NTSR1: variants seen among roughly 807,000 people sequenced by gnomAD.
NTSR1 encodes neurotensin receptor 1.
A neutral mutation model predicts 31.2 loss-of-function variants in NTSR1; 29 were observed. The observed-to-expected ratio is 0.93, with a 90% CI of 0.69 to 1.27. The LOEUF is 1.27. NTSR1 is among the 50% of genes most tolerant of loss of function. The pLI is 0.00. For synonymous variants in NTSR1, 282 were observed against 269.9 expected, an observed-to-expected ratio of 1.04 and a Z score of -0.44; for missense variants, 697 against 595.4, an observed-to-expected ratio of 1.17 and a Z score of -1.78.
chr20:62,709,850 G>T lies in NTSR1; in HGVS notation c.643G>T (p.Asp215Tyr). 3.1e-6 allele frequency: 5 copies of T among 1,608,744 alleles called. No individual in the cohort carries two copies. Among genetic ancestry groups the T allele is most frequent in the African/African-American group, 1.3e-5 (1 of 74,944 alleles). Residue 215 changes from aspartate (D) to tyrosine (Y), a missense_variant, in exon 1 of 4, where the codon GAC (aspartate) becomes TAC (tyrosine). By Grantham distance (160) the Asp-to-Tyr change is radical. Coordinates refer to ENST00000370501, the MANE Select transcript of NTSR1 (RefSeq NM_002531.3). ...FTMGEQNRSA[D>Y]GQHAGGLVCT... ...CATGGGCGAGCAGAACCGCAGCGCC[G>T]ACGGCCAGCACGCCGGCGGCCTGGT...
Position 62,724,161 on chromosome 20 carries a change from C to G in NTSR1, c.714+14240C>G, listed in dbSNP as rs1988867722. Among the ~76,000 whole-genome samples the G allele has an allele frequency of 2.0e-5, 3 of 152,188 alleles. No homozygotes were observed. The South Asian group carries it at 6.2e-4, about 31-fold the overall frequency. ...AAAGTGGCCCAAACTCTCAGGGGAC[C>G]CGAGCCATGACCTCCCAAGTCCTGG... On this transcript the variant is annotated intron_variant, in intron 1 of 3. Transcript: ENST00000370501.
chr20:62,718,806 A>G (rs938388637), intron 1 of NTSR1, among the ~76,000 whole-genome samples: 12 of 152,234 alleles, frequency 7.9e-5, no homozygotes, highest in Non-Finnish European at 1.3e-4. Context: ...TTGGGCGATT[A>G]TGAATAAAGT....
In NTSR1 at chr20:62,709,504, C is replaced by T. The variant is rs922366042; in HGVS notation, c.297C>T (p.Ser99=). ...ARKKSLQSLQ[S]TVHYHLGSLA... is the part of the protein sequence containing the mutation. ...AGAAGTCGCTGCAGAGCCTGCAGAG[C>T]ACGGTGCATTACCACCTGGGCAGCC... The change falls in exon 1 of 4, where the codon AGC becomes AGT. Residue 99 remains serine, a synonymous_variant. Transcript: ENST00000370501. 2 of 1,612,616 alleles carry T rather than the reference C, an allele frequency of 1.2e-6. No homozygotes were observed. The highest frequency in any genetic ancestry group is 1.7e-4 in the Middle Eastern group (1 of 6,058).
At chr20:62,752,831 A>G (rs1989417233) in intron 1 of NTSR1, among the ~76,000 whole-genome samples, 1 of 152,062 alleles carries the variant, frequency 6.6e-6, no homozygotes, top group African/African-American at 2.4e-5. Flanking sequence ...ACCTGCCCCC[A>G]GTCTCACCAG....
rs35373650 is a variant in NTSR1, at chr20:62,754,795, A to C, written c.825A>C (p.Gln275His). 2.4e-3 allele frequency: 3,840 copies of C among 1,611,518 alleles called. 75 individuals are homozygous for C. In the African/African-American group the frequency reaches 0.042, roughly 18 times the overall value. Reference protein sequence around the residue: ...VMVRQAAEQGQVCTVGGEHST... With the variant: ...VMVRQAAEQGHVCTVGGEHST... ...TACGCCAGGCGGCCGAGCAGGGCCA[A>C]GTGTGCACGGTCGGGGGCGAGCACA... Residue 275 changes from glutamine to histidine, a missense_variant, in exon 2 of 4, where the codon CAA becomes CAC. Gln to His is a conservative substitution (Grantham distance 24, BLOSUM62 0). Transcript: ENST00000370501.
At position 62,715,124 on chromosome 20, in the gene NTSR1, T is replaced by C. The variant is rs1403292020; in HGVS notation, c.714+5203T>C. Among the ~76,000 whole-genome samples, 1 of 152,078 alleles carries C rather than the reference T, an allele frequency of 6.6e-6. No homozygotes were observed. The highest frequency in any genetic ancestry group is 2.4e-5 in the African/African-American group (1 of 41,410). Reference sequence around the variant, plus strand: ...TGGCATGTTTGAAAAATTTAGTAATTAAAAGTTTTCAAAAGGTTAAGGTGC... The same window carrying C: ...TGGCATGTTTGAAAAATTTAGTAATCAAAAGTTTTCAAAAGGTTAAGGTGC... On this transcript the variant is annotated intron_variant, in intron 1 of 3. Transcript: ENST00000370501. The surrounding 1 kb of genome is among the most constrained non-coding windows in gnomAD (Gnocchi z 4.7).
In NTSR1 at chr20:62,714,121, T is replaced by C. The variant is rs1988668753; in HGVS notation, c.714+4200T>C. Reference sequence around the variant, plus strand: ...AAAAAAAAGTTGCAGAAGAAGTTCTTCAAGGGGTCCTTAGGAACAGCCTGC... The same window carrying C: ...AAAAAAAAGTTGCAGAAGAAGTTCTCCAAGGGGTCCTTAGGAACAGCCTGC... On this transcript the variant is annotated intron_variant, in intron 1 of 3. Coordinates refer to ENST00000370501, the MANE Select transcript of NTSR1 (RefSeq NM_002531.3). The surrounding 1 kb of genome is among the most constrained non-coding windows in gnomAD (Gnocchi z 4.1). Among the ~76,000 whole-genome samples, 1 of 152,116 alleles carries C rather than the reference T, an allele frequency of 6.6e-6. No individual in the cohort carries two copies. Among genetic ancestry groups the C allele is most frequent in the Admixed American group, 6.5e-5 (1 of 15,276 alleles).
rs1174285502 is a variant in NTSR1 at position 62,745,208 on chromosome 20, G to A, written c.715-9477G>A. Among the ~76,000 whole-genome samples, 1 of 152,162 alleles carries A rather than the reference G, an allele frequency of 6.6e-6. No individual in the cohort carries two copies. Among genetic ancestry groups the A allele is most frequent in the Non-Finnish European group, 1.5e-5 (1 of 68,018 alleles). On this transcript the variant is annotated intron_variant, in intron 1 of 3. Transcript: ENST00000370501. The surrounding 1 kb of genome is among the most constrained non-coding windows in gnomAD (Gnocchi z 4.1). ...ACTCAGAGGGAGACCCAGACAGACA[G>A]CAACACAAAGACAGAGAGAGAGACA...
chr20:62,710,588 G>A (rs992003246), intron 1 of NTSR1, among the ~76,000 whole-genome samples: 4 of 152,178 alleles, frequency 2.6e-5, no homozygotes, highest in South Asian at 2.1e-4. Context: ...GAGGATCTGC[G>A]TGTGGCGGCG....
Position 62,709,440 on chromosome 20 carries a change from C to T in NTSR1, c.233C>T (p.Thr78Met), listed in dbSNP as rs772367154. 1 of 1,612,412 alleles carries T rather than the reference C, an allele frequency of 6.2e-7. No individual in the cohort carries two copies. Among genetic ancestry groups the T allele is most frequent in the South Asian group, 1.1e-5 (1 of 91,032 alleles). The change falls in exon 1 of 4, where the codon ACG (threonine) becomes ATG (methionine). Residue 78 changes from threonine to methionine, a missense_variant. Coordinates refer to ENST00000370501, the MANE Select transcript of NTSR1 (RefSeq NM_002531.3). The part of the protein sequence containing the change: ...AVYLALFVVG[T>M]VGNTVTAFTL... ...TACCTGGCGCTCTTCGTGGTGGGCA[C>T]GGTGGGCAACACGGTGACGGCGTTC...
chr20:62,725,780 G>C (rs1351369023), intron 1 of NTSR1, among the ~76,000 whole-genome samples: 2 of 152,110 alleles, frequency 1.3e-5, no homozygotes, highest in Non-Finnish European at 2.9e-5. Context: ...GGAGGGAGGA[G>C]GACGGAGGGA....
chr20:62,752,877 G>C (rs944652301), intron 1 of NTSR1, among the ~76,000 whole-genome samples: 1 of 152,198 alleles, frequency 6.6e-6, no homozygotes, highest in South Asian at 2.1e-4. Context: ...ACTTCGGCCA[G>C]AGCAGGAGAA....
chr20:62,725,441 C>T (rs970995806), intron 1 of NTSR1, among the ~76,000 whole-genome samples: 4 of 152,198 alleles, frequency 2.6e-5, no homozygotes, highest in Non-Finnish European at 4.4e-5. Context: ...CACCCTCTGC[C>T]GCTGCACTGT....
Position 62,758,360 on chromosome 20 carries a change from A to C in NTSR1, c.1007+4A>C. 4 of 1,613,018 alleles carry C rather than the reference A, an allele frequency of 2.5e-6. No homozygotes were observed. The highest frequency in any genetic ancestry group is 3.4e-6 in the Non-Finnish European group (4 of 1,179,488). On this transcript the variant is annotated splice_donor_region_variant and intron_variant, in intron 3 of 3. Coordinates refer to ENST00000370501, the MANE Select transcript of NTSR1 (RefSeq NM_002531.3). This position sits in a 1 kb window ranked among gnomAD's most constrained non-coding sequence, Gnocchi z 4.5. ...TCTCGGATGAGCAGTGGACTCCGTG[A>C]GTACCGGGAACCAGGAAGTTGGGTG...
intron 1 of NTSR1, among the ~76,000 whole-genome samples, chr20:62,729,090 G>A (rs1232754714): frequency 6.6e-6 from 1 of 152,210 alleles, no homozygotes; most frequent in Non-Finnish European, 1.5e-5. Context: ...CTAAACCTGA[G>A]ACTGAAGCTG....
rs1988610031 is a variant in NTSR1 at position 62,711,398 on chromosome 20, G to A, written c.714+1477G>A. Among the ~76,000 whole-genome samples the A allele has an allele frequency of 2.0e-5, 3 of 152,164 alleles. No homozygotes were observed. Among genetic ancestry groups the A allele is most frequent in the African/African-American group, 4.8e-5 (2 of 41,452 alleles). ...CTTTATCTGCTCTCCCCAAGCTCCT[G>A]TCTTTGATTGGCATTGGCCAGGGGG... On this transcript the variant is annotated intron_variant, in intron 1 of 3. Coordinates refer to ENST00000370501, the MANE Select transcript of NTSR1 (RefSeq NM_002531.3). The surrounding 1 kb of genome is among the most constrained non-coding windows in gnomAD (Gnocchi z 6.4).
chr20:62,730,887 T>G (rs958470312), intron 1 of NTSR1, among the ~76,000 whole-genome samples: 3 of 152,274 alleles, frequency 2.0e-5, no homozygotes, highest in Non-Finnish European at 4.4e-5. Context: ...TCTTCTTTGA[T>G]GAGGTGTCTA....
chr20:62,726,442 C>G (rs1202378576), intron 1 of NTSR1, among the ~76,000 whole-genome samples: 2 of 152,146 alleles, frequency 1.3e-5, no homozygotes, highest in African/African-American at 4.8e-5. Flanking sequence ...AAAGGAAACC[C>G]AAGAGGCACC....
At chr20:62,728,407 T>C (rs981873439) in intron 1 of NTSR1, among the ~76,000 whole-genome samples, 2 of 152,142 alleles carry the variant, frequency 1.3e-5, no homozygotes, top group Non-Finnish European at 2.9e-5. Context: ...GTGCAGACAC[T>C]ACTGGTGATG....
Sources: gnomAD v4.1 joint callset for allele counts (sites outside exome capture counted in the v4.1 genomes callset) on GRCh38, gnomAD v4.1.1 for gene constraint, Gnocchi (gnomAD v3.1) non-coding constraint, MANE v1.5 for transcripts, NCBI Gene and HGNC (gene_info 2026-07-23, HGNC 2026-07-21) for gene names.